The following TEX2 variants were observed in gnomAD, a reference collection of about 807,000 sequenced individuals.
The protein encoded by TEX2 is testis-expressed protein 2.
Under a neutral mutation model 106.9 loss-of-function variants are expected in TEX2, and 53 were observed. The observed-to-expected ratio is 0.50, with a 90% CI of 0.40 to 0.62. The LOEUF (loss-of-function observed/expected upper bound fraction) is 0.62. Among genes scored for constraint, TEX2 ranks in the 20% least tolerant of loss-of-function variants. The pLI, the probability that TEX2 is intolerant of heterozygous loss-of-function variation, is 0.00. For missense variants in TEX2, 1,207 were observed against 1,379.0 expected (o/e 0.88, Z 1.98); for synonymous variants, 523 against 534.8 (o/e 0.98, Z 0.30).
intron 1 of TEX2, among the ~76,000 whole-genome samples, chr17:64,236,192 A>C (rs1467957945): frequency 2.0e-5 from 3 of 152,212 alleles, no homozygotes; most frequent in African/African-American, 7.2e-5. Context: ...AAAAAAATAA[A>C]AATTTTAAAA....
chr17:64,150,892 A>C lies in TEX2; in HGVS notation c.3210T>G (p.Thr1070=). ...CTATCCAGTCTGTCACATGAACTAAAGTCACTTCTCTCTCTCCAAGTTTTG... is the reference window on the plus strand; with the variant it reads ...CTATCCAGTCTGTCACATGAACTAACGTCACTTCTCTCTCTCCAAGTTTTG... ...ARPKLGEREV[T]LVHVTDWIEK... The change falls in exon 11 of 12, where the codon ACT becomes ACG. Residue 1070 remains threonine (T), a synonymous_variant. Coordinates refer to ENST00000584379, the MANE Select transcript of TEX2 (RefSeq NM_001288732.2). The C allele has an allele frequency of 6.2e-7, 1 of 1,614,012 alleles. No individual in the cohort carries two copies. Among genetic ancestry groups the C allele is most frequent in the Non-Finnish European group, 8.5e-7 (1 of 1,179,958 alleles).
At chr17:64,210,613 AG>A (rs1448592065) in intron 2 of TEX2, among the ~76,000 whole-genome samples, 1 of 146,538 alleles carries the variant, frequency 6.8e-6, no homozygotes, top group African/African-American at 2.5e-5. Flanking sequence ...GGATCCTAAA[AG>A]AATTCTCCCC....
intron 4 of TEX2, among the ~76,000 whole-genome samples, chr17:64,191,249 G>A (rs1178005097): frequency 6.6e-6 from 1 of 152,182 alleles, no homozygotes. Context: ...TGTTTGTTGT[G>A]TGCTGAGTGG....
rs770941487 is a variant in TEX2 at position 64,194,959 on chromosome 17, T to G, written c.1781A>C (p.Tyr594Ser). ...GGTGACCTCTGGCTTGGGTTCATTG[T>G]AGCTGGCCCTCCTGGATATATTTTT... ...PNKNISRRAS[Y>S]NEPKPEVTYI... Residue 594 changes from tyrosine (Y) to serine (S), a missense_variant, in exon 3 of 12, where the codon TAC (tyrosine) becomes TCC (serine). This residue lies in a region of TEX2 where 1,067 missense variants were observed against 1,193.6 expected (regional missense o/e 0.89). Coordinates refer to ENST00000584379, the MANE Select transcript of TEX2 (RefSeq NM_001288732.2). 1.9e-6 allele frequency: 3 copies of G among 1,614,200 alleles called. No individual in the cohort carries two copies. Among genetic ancestry groups the G allele is most frequent in the Non-Finnish European group, 2.5e-6 (3 of 1,180,006 alleles).
intron 1 of TEX2, among the ~76,000 whole-genome samples, chr17:64,218,843 G>A (rs2033268917): frequency 6.6e-6 from 1 of 152,102 alleles, no homozygotes; most frequent in African/African-American, 2.4e-5. Flanking sequence ...GGTAACAGGT[G>A]AACCAGAAGC....
At chr17:64,245,444 A>C (rs541088655) in intron 1 of TEX2, among the ~76,000 whole-genome samples, 1 of 152,378 alleles carries the variant, frequency 6.6e-6, no homozygotes, top group South Asian at 2.1e-4. Flanking sequence ...ACATCTAAGC[A>C]GTAAAGATTT....
intron 1 of TEX2, among the ~76,000 whole-genome samples, chr17:64,235,756 T>C (rs1437462042): frequency 2.6e-5 from 4 of 152,196 alleles, no homozygotes; most frequent in South Asian, 4.1e-4. Flanking sequence ...CTCTAATTCA[T>C]TGCTATACAT....
At chr17:64,157,082 C>A (rs1249245924) in intron 8 of TEX2, among the ~76,000 whole-genome samples, 2 of 152,178 alleles carry the variant, frequency 1.3e-5, no homozygotes, top group African/African-American at 4.8e-5. Context: ...GCGCTGGGGG[C>A]AGTATTATGC....
At chr17:64,196,226 A>AT (rs1453873346) in intron 2 of TEX2, among the ~76,000 whole-genome samples, 5 of 152,188 alleles carry the variant, frequency 3.3e-5, no homozygotes, top group Non-Finnish European at 5.9e-5. Flanking sequence ...TGGGACAAAG[A>AT]TTTTTTAAAA....
chr17:64,227,532 A>C (rs1286078438), intron 1 of TEX2, among the ~76,000 whole-genome samples: 2 of 152,240 alleles, frequency 1.3e-5, no homozygotes, highest in Non-Finnish European at 2.9e-5. Flanking sequence ...AAATTATTAT[A>C]ATCATTATCT....
intron 1 of TEX2, among the ~76,000 whole-genome samples, chr17:64,220,629 A>G (rs1167183502): frequency 6.6e-6 from 1 of 152,262 alleles, no homozygotes; most frequent in Non-Finnish European, 1.5e-5. Flanking sequence ...CATTAGAGAA[A>G]TGCAAATCAA....
chr17:64,246,538 TC>T (rs1432668073), intron 1 of TEX2, among the ~76,000 whole-genome samples: 7 of 152,076 alleles, frequency 4.6e-5, no homozygotes, highest in Non-Finnish European at 8.8e-5. Context: ...ACCCACCACG[TC>T]CAGCCTACCA....
At position 64,148,874 on chromosome 17, in the gene TEX2, G is replaced by T; in HGVS notation, c.*95C>A. ...AGCAGTCCTTTAAGAAACAGTAGCT[G>T]TGGCACAGAGGCCAGTGCTACAGTA... is the stretch of plus-strand genomic sequence containing the variant. On this transcript the variant is annotated 3_prime_UTR_variant, in exon 12 of 12. Coordinates refer to ENST00000584379, the MANE Select transcript of TEX2 (RefSeq NM_001288732.2). The T allele has an allele frequency of 6.7e-7, 1 of 1,486,294 alleles. No individual in the cohort carries two copies. Among genetic ancestry groups the T allele is most frequent in the Non-Finnish European group, 9.2e-7 (1 of 1,089,430 alleles). The allele number at this position is 1,486,294 out of a possible 1,614,324, so 92.1% of individuals were successfully genotyped here.
chr17:64,217,327 A>C lies in TEX2; in HGVS notation c.-25-3085T>G, dbSNP rs1321637561. On this transcript the variant is annotated intron_variant, in intron 1 of 11. Transcript: ENST00000584379. This position sits in a 1 kb window ranked among gnomAD's most constrained non-coding sequence, Gnocchi z 4.3. ...AGCCGACCCTCCCACAGCCACAGCC[A>C]TGCAGGACAGCCAAGGCCAAGAGGA... Among the ~76,000 whole-genome samples the C allele has an allele frequency of 6.6e-6, 1 of 152,226 alleles. No individual in the cohort carries two copies. The highest frequency in any genetic ancestry group is 1.5e-5 in the Non-Finnish European group (1 of 68,032).
chr17:64,215,806 C>G (rs2033170016), intron 1 of TEX2, among the ~76,000 whole-genome samples: 2 of 152,154 alleles, frequency 1.3e-5, no homozygotes, highest in African/African-American at 4.8e-5. Context: ...ATTTGAAGAG[C>G]TCCTAATTTA....
At chr17:64,244,665 C>G (rs944549818) in intron 1 of TEX2, among the ~76,000 whole-genome samples, 1 of 152,142 alleles carries the variant, frequency 6.6e-6, no homozygotes, top group Non-Finnish European at 1.5e-5. Context: ...CTGTCCCCTG[C>G]CCCCTCAACA....
intron 1 of TEX2, among the ~76,000 whole-genome samples, chr17:64,223,649 A>G (rs2033423625): frequency 6.6e-6 from 1 of 151,970 alleles, no homozygotes; most frequent in Non-Finnish European, 1.5e-5. Context: ...GGAAGAAAGC[A>G]AATTTCATTG....
chr17:64,261,983 T>A (rs1555638616), intron 1 of TEX2, among the ~76,000 whole-genome samples: 1 of 152,228 alleles, frequency 6.6e-6, no homozygotes, highest in African/African-American at 2.4e-5. Context: ...AAGGATAACC[T>A]GCCCTCCATT....
chr17:64,168,102 T>C (rs1398899912), intron 7 of TEX2, among the ~76,000 whole-genome samples: 4 of 152,196 alleles, frequency 2.6e-5, no homozygotes, highest in African/African-American at 7.2e-5. Context: ...CTTAGAGCTG[T>C]GAAGGCCTCC....
Sources: gnomAD v4.1 joint callset for allele counts (sites outside exome capture counted in the v4.1 genomes callset) on GRCh38, gnomAD v4.1.1 for gene constraint, gnomAD v4.1.1 regional missense constraint, Gnocchi (gnomAD v3.1) non-coding constraint, MANE v1.5 for transcripts, NCBI Gene and HGNC (gene_info 2026-07-23, HGNC 2026-07-21) for gene names.